LARGE1: variants seen among roughly 807,000 people sequenced by gnomAD.
LARGE1 encodes xylosyl- and glucuronyltransferase LARGE1.
A neutral mutation model predicts 87.6 loss-of-function variants in LARGE1; 43 were observed. The observed-to-expected ratio is 0.49, with a 90% CI of 0.38 to 0.63. The LOEUF (loss-of-function observed/expected upper bound fraction) is 0.63. Among genes scored for constraint, LARGE1 ranks in the 30% least tolerant of loss-of-function variants. LARGE1 has a pLI of 0.00. For synonymous variants in LARGE1, 434 were observed against 394.6 expected (o/e 1.10, Z -1.18); for missense variants, 802 against 1,000.2 (o/e 0.80, Z 2.67).
intron 1 of LARGE1, among the ~76,000 whole-genome samples, chr22:33,908,216 C>A (rs75688699): frequency 0.012 from 1,873 of 152,250 alleles, 57 homozygotes; most frequent in African/African-American, 0.043. Flanking sequence ...TCCAGGCATA[C>A]GGTAAAACCT....
chr22:33,390,643 TC>T (rs2065483558), intron 7 of LARGE1, among the ~76,000 whole-genome samples: 3 of 151,552 alleles, frequency 2.0e-5, no homozygotes, highest in Non-Finnish European at 4.4e-5. Flanking sequence ...GGCAAGCTGC[TC>T]TTGGCATGCC....
chr22:33,249,219 C>T (rs1296060385), intron 11 of LARGE1, among the ~76,000 whole-genome samples: 3 of 152,116 alleles, frequency 2.0e-5, no homozygotes, highest in Non-Finnish European at 4.4e-5. Context: ...TGCCAATGTT[C>T]CAGATTTTGG....
intron 2 of LARGE1, among the ~76,000 whole-genome samples, chr22:33,689,692 C>T (rs370290375): frequency 7.9e-5 from 12 of 151,988 alleles, no homozygotes; most frequent in East Asian, 1.9e-4. Flanking sequence ...TTTGGGAGGC[C>T]GAGGTGGGTG....
chr22:33,761,609 G>A (rs1397414858), intron 1 of LARGE1, 51 bp from the exon 2 acceptor site: 2 of 735,984 alleles, frequency 2.7e-6, no homozygotes, highest in South Asian at 1.5e-5. Flanking sequence ...CTGGAGATGG[G>A]TGTAAGTTAT....
At chr22:33,455,519 G>C (rs9609805) in intron 6 of LARGE1, among the ~76,000 whole-genome samples, 31 of 152,008 alleles carry the variant, frequency 2.0e-4, no homozygotes, top group African/African-American at 7.0e-4. Flanking sequence ...TTGGGAGGCC[G>C]AGGCAGGAGG....
intron 1 of LARGE1, among the ~76,000 whole-genome samples, chr22:33,828,893 T>C (rs1386235714): frequency 6.6e-6 from 1 of 152,210 alleles, no homozygotes; most frequent in Non-Finnish European, 1.5e-5. Flanking sequence ...GTACTTGCTA[T>C]TCCCTCTCGC....
chr22:33,811,016 C>T (rs2086478706), intron 1 of LARGE1, among the ~76,000 whole-genome samples: 1 of 152,186 alleles, frequency 6.6e-6, no homozygotes, highest in Non-Finnish European at 1.5e-5. Flanking sequence ...AGATTTGTTA[C>T]TGCAGCATAA....
chr22:33,303,964 T>C (rs541614744), intron 12 of LARGE1, among the ~76,000 whole-genome samples: 3 of 152,202 alleles, frequency 2.0e-5, no homozygotes, highest in Non-Finnish European at 2.9e-5. Flanking sequence ...GAAAAAGCAA[T>C]AGACTGGCAG....
chr22:33,241,817 TAG>T (rs1926537259), intron 11 of LARGE1, among the ~76,000 whole-genome samples: 1 of 151,774 alleles, frequency 6.6e-6, no homozygotes, highest in Non-Finnish European at 1.5e-5. Context: ...CTCCTACAAG[TAG>T]AGAGTAGGAT....
chr22:33,324,228 C>CA (rs1161508287), intron 10 of LARGE1, among the ~76,000 whole-genome samples: 380 of 10,740 alleles, frequency 0.035, 74 homozygotes, highest in Middle Eastern at 0.2. Context: ...GACTCCATCT[C>CA]AAAAAAAAAA....
At chr22:33,588,325 T>C (rs900288747) in intron 5 of LARGE1, among the ~76,000 whole-genome samples, 2 of 152,152 alleles carry the variant, frequency 1.3e-5, no homozygotes, top group Non-Finnish European at 2.9e-5. Flanking sequence ...AGATAACCTA[T>C]AGAAGGGGAA....
intron 2 of LARGE1, among the ~76,000 whole-genome samples, chr22:33,736,840 T>C (rs1269118410): frequency 6.6e-6 from 1 of 152,180 alleles, no homozygotes; most frequent in African/African-American, 2.4e-5. Context: ...AAAAAATGTG[T>C]TTTAACTCCC....
intron 12 of LARGE1, among the ~76,000 whole-genome samples, chr22:33,291,956 T>C (rs558675723): frequency 6.6e-6 from 1 of 152,230 alleles, no homozygotes; most frequent in African/African-American, 2.4e-5. Context: ...TAGCCAGGCA[T>C]GGTGGCACAC....
At chr22:33,722,320 G>GGGAGAGGAGGGAGAA (rs2083130432) in intron 2 of LARGE1, among the ~76,000 whole-genome samples, 6 of 133,528 alleles carry the variant, frequency 4.5e-5, no homozygotes, top group African/African-American at 1.6e-4. Context: ...AGGAGGGAGA[G>GGGAGAGGAGGGAGAA]GGAGAGGAGG....
At chr22:33,921,406 C>A (rs568693151), upstream of LARGE1, among the ~76,000 whole-genome samples, 76 of 152,330 alleles carry the variant, frequency 5.0e-4, no homozygotes, top group African/African-American at 1.7e-3. This position sits in a 1 kb window ranked among gnomAD's most constrained non-coding sequence, Gnocchi z 4.1. Flanking sequence ...CCCGCAGCTG[C>A]CGTGGTAGAG....
intron 3 of LARGE1, among the ~76,000 whole-genome samples, chr22:33,630,530 T>A (rs1207897953): frequency 6.6e-6 from 1 of 152,156 alleles, no homozygotes; most frequent in Non-Finnish European, 1.5e-5. Context: ...TGTAGACAAC[T>A]GTAACACAAT....
At chr22:33,857,155 G>A (rs2063778793) in intron 1 of LARGE1, among the ~76,000 whole-genome samples, 1 of 152,162 alleles carries the variant, frequency 6.6e-6, no homozygotes, top group Non-Finnish European at 1.5e-5. Context: ...GGCCTTGAGG[G>A]ATCCGCCCTT....
intron 2 of LARGE1, among the ~76,000 whole-genome samples, chr22:33,665,632 C>T (rs1202407261): frequency 2.0e-5 from 3 of 152,122 alleles, no homozygotes; most frequent in African/African-American, 7.2e-5. Context: ...GTGGCTCATA[C>T]CTGTAATTCC....
intron 11 of LARGE1, among the ~76,000 whole-genome samples, chr22:33,168,212 T>C (rs1922377095): frequency 6.6e-6 from 1 of 152,184 alleles, no homozygotes; most frequent in African/African-American, 2.4e-5. Context: ...ACAAGATTAA[T>C]ATTTAACCAC....
Sources: allele counts gnomAD v4.1 joint callset (sites outside exome capture counted in the v4.1 genomes callset), GRCh38; gene constraint gnomAD v4.1.1; non-coding constraint Gnocchi (gnomAD v3.1); transcripts MANE v1.5; gene names NCBI Gene and HGNC (gene_info 2026-07-23, HGNC 2026-07-21).